SPOCK3: variants seen among roughly 807,000 people sequenced by gnomAD.
SPOCK3 encodes testican-3.
SPOCK3 carries 30 observed loss-of-function variants against 56.6 expected under a neutral mutation model. The observed-to-expected ratio is 0.53, with a 90% CI of 0.40 to 0.72. The LOEUF (loss-of-function observed/expected upper bound fraction) is 0.72, where lower values mean the gene tolerates loss of function less well. SPOCK3 is among the 30% of genes least tolerant of loss of function. The pLI is 0.00. For synonymous variants in SPOCK3, 196 were observed against 183.3 expected (o/e 1.07, Z -0.56); for missense variants, 527 against 530.0 (o/e 0.99, Z 0.06).
At chr4:166,938,929 G>A (rs1209462978) in intron 4 of SPOCK3, among the ~76,000 whole-genome samples, 1 of 142,406 alleles carries the variant, frequency 7.0e-6, no homozygotes, top group African/African-American at 2.6e-5. Context: ...TGTCTGATTA[G>A]ATATATAAAG....
chr4:166,935,706 T>C (rs1740324265), intron 4 of SPOCK3, among the ~76,000 whole-genome samples: 1 of 152,090 alleles, frequency 6.6e-6, no homozygotes, highest in Admixed American at 6.6e-5. Flanking sequence ...CTCAGCTGTG[T>C]AGACTGAAAC....
At chr4:167,131,744 C>G (rs1310577063) in intron 2 of SPOCK3, among the ~76,000 whole-genome samples, 1 of 152,142 alleles carries the variant, frequency 6.6e-6, no homozygotes, top group Non-Finnish European at 1.5e-5. Flanking sequence ...TCATTTTCAC[C>G]ATGCCACTAT....
intron 2 of SPOCK3, among the ~76,000 whole-genome samples, chr4:167,146,976 G>T (rs904829351): frequency 1.3e-5 from 2 of 152,012 alleles, no homozygotes; most frequent in African/African-American, 4.8e-5. Flanking sequence ...GGAACTAAAG[G>T]AGATAGAGAC....
chr4:167,135,412 A>G (rs815237), intron 2 of SPOCK3, among the ~76,000 whole-genome samples: 16,921 of 152,192 alleles, frequency 0.11, 1,202 homozygotes, highest in East Asian at 0.19. Context: ...GCATAGATCT[A>G]AAAGAATAAT....
intron 2 of SPOCK3, among the ~76,000 whole-genome samples, chr4:167,135,444 G>A (rs755563341): frequency 1.3e-5 from 2 of 152,116 alleles, no homozygotes; most frequent in Non-Finnish European, 2.9e-5. Flanking sequence ...ATCAGGGGAA[G>A]ACAATAATTT....
chr4:166,893,959 C>A (rs951920311), intron 5 of SPOCK3, among the ~76,000 whole-genome samples: 3 of 152,092 alleles, frequency 2.0e-5, no homozygotes, highest in African/African-American at 7.2e-5. Flanking sequence ...AACATAACCA[C>A]AGGAGGAAAT....
At chr4:167,232,976 T>G (rs751035052) in intron 2 of SPOCK3, among the ~76,000 whole-genome samples, 1 of 152,178 alleles carries the variant, frequency 6.6e-6, no homozygotes, top group African/African-American at 2.4e-5. Context: ...GCAGATGGAC[T>G]CCACGAGAAA....
intron 6 of SPOCK3, among the ~76,000 whole-genome samples, chr4:166,885,883 T>G (rs1734142834): frequency 6.6e-6 from 1 of 152,198 alleles, no homozygotes; most frequent in African/African-American, 2.4e-5. Context: ...CTTTTGACTC[T>G]AACCAGTGAA....
At chr4:166,887,860 G>GGA (rs1734365595) in intron 6 of SPOCK3, among the ~76,000 whole-genome samples, 1 of 140,068 alleles carries the variant, frequency 7.1e-6, no homozygotes, top group African/African-American at 2.6e-5. Context: ...ATAACTTATG[G>GGA]AAAAAAAAAA....
intron 2 of SPOCK3, among the ~76,000 whole-genome samples, chr4:167,184,195 T>C (rs1731752325): frequency 6.6e-6 from 1 of 152,140 alleles, no homozygotes; most frequent in Non-Finnish European, 1.5e-5. Context: ...CCCAAAAGAA[T>C]CATCATACAT....
At chr4:166,880,717 A>G (rs1279233525) in intron 6 of SPOCK3, among the ~76,000 whole-genome samples, 1 of 152,210 alleles carries the variant, frequency 6.6e-6, no homozygotes, top group Non-Finnish European at 1.5e-5. Flanking sequence ...GTCAATCGAC[A>G]AGGCATAACC....
chr4:167,204,005 C>G (rs77465242), intron 2 of SPOCK3, among the ~76,000 whole-genome samples: 1 of 152,092 alleles, frequency 6.6e-6, no homozygotes, highest in Non-Finnish European at 1.5e-5. Flanking sequence ...GTTATAGAAC[C>G]TCTAGTTTTA....
chr4:167,054,649 T>C (rs960490573), intron 3 of SPOCK3, among the ~76,000 whole-genome samples: 1 of 152,224 alleles, frequency 6.6e-6, no homozygotes, highest in Non-Finnish European at 1.5e-5. Context: ...ATCAAAATAG[T>C]TTTTACTTAA....
At chr4:167,041,258 T>A (rs1032269110) in intron 3 of SPOCK3, among the ~76,000 whole-genome samples, 6 of 152,234 alleles carry the variant, frequency 3.9e-5, no homozygotes, top group Admixed American at 2.6e-4. Flanking sequence ...TGGGAGCTTG[T>A]GTGAGACTTG....
At chr4:167,126,936 T>A (rs1762332570) in intron 2 of SPOCK3, among the ~76,000 whole-genome samples, 1 of 152,150 alleles carries the variant, frequency 6.6e-6, no homozygotes, top group Non-Finnish European at 1.5e-5. Flanking sequence ...ACCTGCCCTG[T>A]GCCTGGGCCT....
intron 6 of SPOCK3, among the ~76,000 whole-genome samples, chr4:166,842,238 C>G (rs1747501606): frequency 6.6e-6 from 1 of 152,332 alleles, no homozygotes; most frequent in African/African-American, 2.4e-5. Flanking sequence ...AGGACTTCAG[C>G]ACGTTGCTTT....
chr4:167,128,410 A>G (rs1762456213), intron 2 of SPOCK3, among the ~76,000 whole-genome samples: 2 of 152,194 alleles, frequency 1.3e-5, no homozygotes, highest in African/African-American at 4.8e-5. Context: ...AATTTTGGGT[A>G]CACCACCATT....
At chr4:166,913,407 T>C (rs1737487752) in intron 4 of SPOCK3, among the ~76,000 whole-genome samples, 1 of 152,162 alleles carries the variant, frequency 6.6e-6, no homozygotes, top group Admixed American at 6.5e-5. Context: ...TTCCTTTGCC[T>C]ATTTGTGTGA....
At chr4:167,119,767 TA>T in intron 2 of SPOCK3, 2 of 1,483,472 alleles carry the variant, frequency 1.3e-6, no homozygotes, top group Non-Finnish European at 1.8e-6. Flanking sequence ...TATTTCACGT[TA>T]ACATATATTT....
Sources: allele counts gnomAD v4.1 joint callset (sites outside exome capture counted in the v4.1 genomes callset), GRCh38; gene constraint gnomAD v4.1.1; transcripts MANE v1.5; gene names NCBI Gene and HGNC (gene_info 2026-07-23, HGNC 2026-07-21).